DMXL2: variants seen among roughly 807,000 people sequenced by gnomAD.
DMXL2 encodes the protein dmX-like protein 2.
DMXL2 carries 103 observed loss-of-function variants against 331.1 expected under a neutral mutation model. That is an observed-to-expected ratio of 0.31 (90% CI 0.27 to 0.37). The LOEUF is 0.37. Ranked by LOEUF, DMXL2 falls within the 10% of genes least tolerant of loss-of-function variation. DMXL2 has a pLI of 1.00. For missense variants in DMXL2, 3,171 were observed against 3,642.9 expected, an observed-to-expected ratio of 0.87 and a Z score of 3.33; for synonymous variants, 1,281 against 1,252.1, an observed-to-expected ratio of 1.02 and a Z score of -0.49.
intron 6 of DMXL2, among the ~76,000 whole-genome samples, chr15:51,562,873 G>C (rs994227166): frequency 3.9e-5 from 6 of 152,092 alleles, no homozygotes; most frequent in African/African-American, 1.4e-4. Flanking sequence ...TCAAGCTAAA[G>C]CCTCAGCTTC....
At chr15:51,576,000 T>G in intron 2 of DMXL2, 56 bp downstream of exon 2, 47 of 1,495,154 alleles carry the variant, frequency 3.1e-5, no homozygotes, top group Middle Eastern at 1.7e-4. Context: ...AAGAAGATTC[T>G]GAGATTATTA....
intron 1 of DMXL2, among the ~76,000 whole-genome samples, chr15:51,606,387 G>T (rs9944264): frequency 6.6e-6 from 1 of 151,786 alleles, no homozygotes; most frequent in Non-Finnish European, 1.5e-5. Flanking sequence ...GTAGAGACAG[G>T]GTTTCACCAG....
At chr15:51,537,964 T>A (rs1269719279) in intron 10 of DMXL2, among the ~76,000 whole-genome samples, 3 of 152,176 alleles carry the variant, frequency 2.0e-5, no homozygotes, top group Admixed American at 2.0e-4. Flanking sequence ...CACCCTATCA[T>A]TATTACTACC....
At chr15:51,488,394 T>C (rs2042554408) in intron 21 of DMXL2, among the ~76,000 whole-genome samples, 154 bp downstream of exon 21, 1 of 152,200 alleles carries the variant, frequency 6.6e-6, no homozygotes, top group Admixed American at 6.5e-5. Context: ...GCTGAAAAGA[T>C]ATTTTACCCA....
At chr15:51,621,521 T>G (rs1044218084) in intron 1 of DMXL2, among the ~76,000 whole-genome samples, 4 of 152,222 alleles carry the variant, frequency 2.6e-5, no homozygotes, top group African/African-American at 9.6e-5. Flanking sequence ...TGTATAAATT[T>G]CATTCTTTAA....
intron 43 of DMXL2, 33 bp from the exon 44 acceptor site, chr15:51,449,226 T>C (rs2038918895): frequency 1.9e-6 from 3 of 1,608,704 alleles, no homozygotes; most frequent in Admixed American, 1.7e-5. Context: ...AAAAATATAT[T>C]ACGAAAAGAC....
intron 1 of DMXL2, among the ~76,000 whole-genome samples, chr15:51,612,413 T>C (rs978020325): frequency 2.0e-5 from 3 of 152,094 alleles, no homozygotes; most frequent in Non-Finnish European, 4.4e-5. Context: ...CAATATTTCA[T>C]ATAGGTTATT....
chr15:51,459,069 T>C, intron 34 of DMXL2: 1 of 368,724 alleles, frequency 2.7e-6, no homozygotes, highest in Non-Finnish European at 5.0e-6. Flanking sequence ...TTTTTATTAG[T>C]AATTTATACA....
chr15:51,618,772 A>T (rs1448773830), intron 1 of DMXL2, among the ~76,000 whole-genome samples: 1 of 152,122 alleles, frequency 6.6e-6, no homozygotes. Context: ...ATCTTTCCAA[A>T]CCTTACTCTT....
intron 6 of DMXL2, among the ~76,000 whole-genome samples, chr15:51,550,661 T>C (rs909408120): frequency 1.3e-5 from 2 of 152,156 alleles, no homozygotes; most frequent in African/African-American, 4.8e-5. Context: ...TTTTACAAAA[T>C]AACCAAGTGT....
intron 2 of DMXL2, among the ~76,000 whole-genome samples, chr15:51,569,359 C>T (rs1002135507): frequency 2.0e-5 from 3 of 152,134 alleles, no homozygotes; most frequent in African/African-American, 4.8e-5. Context: ...CACAGCTCCC[C>T]GAGACAGAGC....
rs186623626 is a variant in DMXL2 at position 51,470,089 on chromosome 15, G to A, written c.7392+1134C>T. ...CATTTCAAACAAGTTCCCAAGGAAT[G>A]CCGATGCTGCCGGTTCTGAGACCAC... On this transcript the variant is annotated intron_variant, in intron 29 of 43. Coordinates refer to ENST00000560891, the MANE Select transcript of DMXL2 (RefSeq NM_001378457.1). Among the ~76,000 whole-genome samples the A allele has an allele frequency of 2.9e-4, 44 of 152,302 alleles. No homozygotes were observed. The East Asian group carries it at 8.1e-3, about 28-fold the overall frequency.
In DMXL2 at chr15:51,480,653, G is replaced by C; in HGVS notation, c.6453C>G (p.Asn2151Lys). 6.2e-7 allele frequency: 1 copy of C among 1,612,682 alleles called. No individual in the cohort carries two copies. The highest frequency in any genetic ancestry group is 8.5e-7 in the Non-Finnish European group (1 of 1,178,902). ...AERRKSWLQKNQDLLRVFLSY... is the reference protein window; with the variant it reads ...AERRKSWLQKKQDLLRVFLSY... ...TGAGAAATACTCTCAGGAGATCTTG[G>C]TTTTTCTGCAACCACGACTTTCGTC... is the stretch of plus-strand genomic sequence containing the variant. Residue 2151 changes from asparagine to lysine, a missense_variant, in exon 24 of 44, where the codon AAC (asparagine) becomes AAG (lysine). Transcript: ENST00000560891.
At chr15:51,596,222 A>T (rs570377934) in intron 1 of DMXL2, among the ~76,000 whole-genome samples, 62 of 152,352 alleles carry the variant, frequency 4.1e-4, no homozygotes, top group African/African-American at 1.5e-3. Context: ...ACAAATCTAC[A>T]AGAAAAAAAC....
At chr15:51,571,907 G>C (rs528265849) in intron 2 of DMXL2, among the ~76,000 whole-genome samples, 2 of 152,230 alleles carry the variant, frequency 1.3e-5, no homozygotes, top group Admixed American at 6.5e-5. Context: ...ATATTCAAAA[G>C]CTAGCAGAAG....
At position 51,481,316 on chromosome 15, in the gene DMXL2, C is replaced by T. The variant is rs752085759; in HGVS notation, c.5790G>A (p.Arg1930=). The change falls in exon 24 of 44, where the codon AGG becomes AGA. Residue 1930 remains arginine, a synonymous_variant. Coordinates refer to ENST00000560891, the MANE Select transcript of DMXL2 (RefSeq NM_001378457.1). ...TTGAATGTGAAGGTACATCATCCAT[C>T]CTGTGAGAAATGAAGTCAGGCTGAT... is the stretch of plus-strand genomic sequence containing the variant. ...KKDQPDFISH[R]MDDVPSHSKA... 6.2e-7 allele frequency: 1 copy of T among 1,614,136 alleles called. No homozygotes were observed. Among genetic ancestry groups the T allele is most frequent in the Non-Finnish European group, 8.5e-7 (1 of 1,179,996 alleles).
chr15:51,590,159 A>G (rs765808236), intron 1 of DMXL2, among the ~76,000 whole-genome samples: 40 of 152,084 alleles, frequency 2.6e-4, no homozygotes, highest in Non-Finnish European at 4.6e-4. Context: ...ACCAAAAGCC[A>G]TAGGCTAGCC....
chr15:51,534,539 G>C (rs2048180365), intron 13 of DMXL2, among the ~76,000 whole-genome samples: 1 of 152,216 alleles, frequency 6.6e-6, no homozygotes, highest in East Asian at 1.9e-4. Flanking sequence ...TCGATGGCCA[G>C]ATGACAAATT....
intron 1 of DMXL2, 132 bp from the exon 2 acceptor site, chr15:51,576,313 AAT>A: frequency 3.1e-6 from 2 of 637,278 alleles, no homozygotes; most frequent in East Asian, 6.4e-5. Flanking sequence ...CAAAATAGTT[AAT>A]ATAATATCAA....
Sources: gnomAD v4.1 joint callset for allele counts (sites outside exome capture counted in the v4.1 genomes callset) on GRCh38, gnomAD v4.1.1 for gene constraint, MANE v1.5 for transcripts, NCBI Gene and HGNC (gene_info 2026-07-23, HGNC 2026-07-21) for gene names.